JAK1: variants seen among roughly 807,000 people sequenced by gnomAD.
The protein encoded by JAK1 is Janus kinase 1.
A neutral mutation model predicts 136.6 loss-of-function variants in JAK1; 16 were observed. That is an observed-to-expected ratio of 0.12 (90% CI 0.08 to 0.18). JAK1 has a LOEUF of 0.18. Ranked by LOEUF, JAK1 falls within the 10% of genes least tolerant of loss-of-function variation. The pLI, the probability that JAK1 is intolerant of heterozygous loss-of-function variation, is 1.00. For synonymous variants in JAK1, 492 were observed against 519.5 expected, an observed-to-expected ratio of 0.95 and a Z score of 0.72; for missense variants, 859 against 1,450.1, an observed-to-expected ratio of 0.59 and a Z score of 6.62.
chr1:64,967,266 C>G (rs1268619399), upstream of JAK1, among the ~76,000 whole-genome samples: 2 of 152,172 alleles, frequency 1.3e-5, no homozygotes, highest in South Asian at 2.1e-4. Flanking sequence ...ACGGACAAAT[C>G]CTAACAATTT....
chr1:64,880,284 C>T (rs548577463), intron 3 of JAK1, among the ~76,000 whole-genome samples: 42 of 152,168 alleles, frequency 2.8e-4, no homozygotes, highest in African/African-American at 9.4e-4. Flanking sequence ...TCTTATAAAC[C>T]GAGAATATGG....
At chr1:65,017,611 T>A (rs1265816817) in intron 2 of JAK1, among the ~76,000 whole-genome samples, 1 of 152,254 alleles carries the variant, frequency 6.6e-6, no homozygotes, top group Non-Finnish European at 1.5e-5. Context: ...AAAAATGGAC[T>A]CATACATAGT....
In JAK1 at chr1:64,841,238, A is replaced by C. The variant is rs746580399; in HGVS notation, c.2649+7T>G. ...CATCAGCAGCAAGCAGCACGGGTGTAACTTACCTCTCCCAAGTCACGGATC... is the reference window on the plus strand; with the variant it reads ...CATCAGCAGCAAGCAGCACGGGTGTCACTTACCTCTCCCAAGTCACGGATC... On this transcript the variant is annotated splice_region_variant and intron_variant, in intron 19 of 24. Transcript: ENST00000342505. 5 of 1,607,286 alleles carry C rather than the reference A, an allele frequency of 3.1e-6. No individual in the cohort carries two copies. The Admixed American group carries it at 8.3e-5, about 27-fold the overall frequency.
In JAK1 at chr1:64,867,012, C is replaced by T. The variant is rs1656747873; in HGVS notation, c.844G>A (p.Gly282Ser). 4 of 1,614,192 alleles carry T rather than the reference C, an allele frequency of 2.5e-6. No homozygotes were observed. The highest frequency in any genetic ancestry group is 3.4e-6 in the Non-Finnish European group (4 of 1,180,032). Residue 282 changes from glycine (G) to serine (S), a missense_variant, in exon 7 of 25, where the codon GGT (glycine) becomes AGT (serine). Around this residue, in one of 4 missense-constraint regions of JAK1, gnomAD observed 353 missense variants for 494.0 expected, o/e 0.71. Transcript: ENST00000342505. ...ATGGAAGTCTCAAATATTTCAGCAC[C>T]GTAATGTTTTGTCAAAGTTTCCAAG... ...ATLETLTKHY[G>S]AEIFETSMLL...
intron 10 of JAK1, among the ~76,000 whole-genome samples, chr1:64,856,760 A>G (rs1046647269): frequency 1.3e-5 from 2 of 152,154 alleles, no homozygotes; most frequent in Non-Finnish European, 2.9e-5. Context: ...GTGTTCCTGC[A>G]TTGCATCACC....
In JAK1 at chr1:64,869,295, C is replaced by A; in HGVS notation, c.647+16G>T. Reference sequence around the variant, plus strand: ...CCATCCTCACAATCAATTCTTCAGCCAGTGGGAAGCTTTACCTGATGTCCT... The same window carrying A: ...CCATCCTCACAATCAATTCTTCAGCAAGTGGGAAGCTTTACCTGATGTCCT... On this transcript the variant is annotated intron_variant, in intron 6 of 24. Transcript: ENST00000342505. 2 of 1,609,604 alleles carry A rather than the reference C, an allele frequency of 1.2e-6. No individual in the cohort carries two copies. Among genetic ancestry groups the A allele is most frequent in the Non-Finnish European group, 1.7e-6 (2 of 1,176,772 alleles).
chr1:65,042,062 AC>A (rs563771231), intron 2 of JAK1, among the ~76,000 whole-genome samples: 162 of 152,210 alleles, frequency 1.1e-3, no homozygotes, highest in Middle Eastern at 6.8e-3. Flanking sequence ...ACAAAACAAA[AC>A]AAAAAAATCT....
chr1:64,959,057 T>TAAGA (rs1433267186), intron 1 of JAK1, among the ~76,000 whole-genome samples: 1 of 152,198 alleles, frequency 6.6e-6, no homozygotes, highest in Non-Finnish European at 1.5e-5. Flanking sequence ...TTAGGGAGCT[T>TAAGA]TCTTGTCTTT....
At chr1:65,034,319 A>G (rs908743596) in intron 2 of JAK1, among the ~76,000 whole-genome samples, 10 of 152,244 alleles carry the variant, frequency 6.6e-5, no homozygotes, top group African/African-American at 2.4e-4. Context: ...ACGACTTGAT[A>G]TGGAAGAGCA....
intron 1 of JAK1, among the ~76,000 whole-genome samples, chr1:64,928,149 G>A (rs1365408675): frequency 6.6e-5 from 10 of 152,102 alleles, no homozygotes; most frequent in Admixed American, 3.9e-4. Context: ...TGAAACAGCC[G>A]CTTGGGGTGA....
chr1:65,027,535 T>A (rs921330867), intron 2 of JAK1, among the ~76,000 whole-genome samples: 9 of 152,156 alleles, frequency 5.9e-5, no homozygotes, highest in African/African-American at 2.2e-4. Flanking sequence ...GATGGGTTTA[T>A]AAGTGAAAGC....
At chr1:65,041,108 G>T (rs997090942) in intron 2 of JAK1, among the ~76,000 whole-genome samples, 3 of 152,162 alleles carry the variant, frequency 2.0e-5, no homozygotes, top group Admixed American at 6.5e-5. Context: ...GGCAGAGCTG[G>T]ACTGCTCAGA....
chr1:64,939,601 G>C (rs1450227701), intron 1 of JAK1, among the ~76,000 whole-genome samples: 4 of 152,160 alleles, frequency 2.6e-5, no homozygotes, highest in African/African-American at 7.2e-5. Context: ...ACACAAAAGA[G>C]TTGTTCAAGG....
rs181918193 is a variant in JAK1 at position 64,995,502 on chromosome 1, G to T, written c.-78+48978C>A. 3.9e-5 allele frequency among the ~76,000 whole-genome samples: 6 copies of T among 152,280 alleles called. No individual in the cohort carries two copies. The East Asian group carries it at 9.7e-4, about 24-fold the overall frequency. On this transcript the variant is annotated intron_variant, in intron 2 of 25. Coordinates refer to the JAK1 transcript ENST00000671954. ...GGTATTTCAAAATCTTGACATGCCT[G>T]TGCACGTTTTTTGTTTGTTTGTTTA...
chr1:65,013,532 T>C (rs1469371655), intron 2 of JAK1, among the ~76,000 whole-genome samples: 1 of 152,194 alleles, frequency 6.6e-6, no homozygotes, highest in Admixed American at 6.5e-5. Flanking sequence ...GAGGAAACAA[T>C]TTCATCTCTG....
At chr1:64,890,618 A>T (rs970656543) in intron 1 of JAK1, among the ~76,000 whole-genome samples, 1 of 152,218 alleles carries the variant, frequency 6.6e-6, no homozygotes, top group Non-Finnish European at 1.5e-5. Context: ...GTCTCTTTTT[A>T]AAAACAAACA....
At chr1:64,966,665 GT>G (rs1219542667), upstream of JAK1, among the ~76,000 whole-genome samples, 2 of 150,292 alleles carry the variant, frequency 1.3e-5, no homozygotes, top group Admixed American at 6.6e-5. Context: ...CGGGGTCGCG[GT>G]CCCGGCGGAG....
chr1:64,982,952 A>C (rs891918191), intron 2 of JAK1, among the ~76,000 whole-genome samples: 6 of 152,170 alleles, frequency 3.9e-5, no homozygotes, highest in Non-Finnish European at 8.8e-5. Flanking sequence ...TGAAGTTGGA[A>C]GAAGGTCACC....
At chr1:64,997,906 T>C (rs1360520851) in intron 2 of JAK1, among the ~76,000 whole-genome samples, 1 of 152,224 alleles carries the variant, frequency 6.6e-6, no homozygotes. Context: ...CGAGACAGCC[T>C]CTCATCTTAT....
Sources: allele counts gnomAD v4.1 joint callset (sites outside exome capture counted in the v4.1 genomes callset), GRCh38; gene constraint gnomAD v4.1.1; regional missense constraint gnomAD v4.1.1; transcripts MANE v1.5; gene names NCBI Gene and HGNC (gene_info 2026-07-23, HGNC 2026-07-21).